IBTK: variants seen among roughly 807,000 people sequenced by gnomAD.
The protein encoded by IBTK is BTK-binding protein.
A neutral mutation model predicts 154.9 loss-of-function variants in IBTK; 83 were observed. The ratio of observed to expected loss-of-function variants is 0.54; its 90% CI spans 0.45 to 0.64. IBTK has a LOEUF of 0.64. Among genes scored for constraint, IBTK ranks in the 30% least tolerant of loss-of-function variants. The probability of loss-of-function intolerance (pLI) is 0.00; values close to 1 mark genes in which losing one functional copy is unlikely to be tolerated. For synonymous variants in IBTK, 515 were observed against 536.1 expected (o/e 0.96, Z 0.54); for missense variants, 1,332 against 1,584.6 (o/e 0.84, Z 2.71).
At chr6:82,238,645 T>C (rs1290653542) in intron 2 of IBTK, among the ~76,000 whole-genome samples, 1 of 152,094 alleles carries the variant, frequency 6.6e-6, no homozygotes, top group African/African-American at 2.4e-5. Context: ...TTCACCATGT[T>C]GGCCAGGCTA....
chr6:82,184,908 G>T (rs1017799886), intron 25 of IBTK, among the ~76,000 whole-genome samples: 29 of 152,034 alleles, frequency 1.9e-4, no homozygotes, highest in South Asian at 2.1e-4. Flanking sequence ...TCGGCTGGGC[G>T]TGGTGGCTCA....
chr6:82,217,498 T>G (rs1769914521), intron 10 of IBTK, among the ~76,000 whole-genome samples: 1 of 152,146 alleles, frequency 6.6e-6, no homozygotes, highest in South Asian at 2.1e-4. Context: ...CTTTAAAACT[T>G]TCCCCTATAT....
chr6:82,228,211 A>T (rs1260722100), intron 4 of IBTK, among the ~76,000 whole-genome samples: 1 of 152,124 alleles, frequency 6.6e-6, no homozygotes, highest in African/African-American at 2.4e-5. Context: ...CTAACTTAGG[A>T]TATAAAAAGA....
At chr6:82,237,147 C>G (rs926602339) in intron 2 of IBTK, among the ~76,000 whole-genome samples, 3 of 151,996 alleles carry the variant, frequency 2.0e-5, no homozygotes, top group East Asian at 1.9e-4. Context: ...GCCCTAAATG[C>G]TAACACCTAA....
In IBTK at chr6:82,225,640, C is replaced by T. The variant is rs372104260; in HGVS notation, c.662G>A (p.Arg221Gln). ...ATGACCATTCAGTCCTTCCACAAGC[C>T]GAGGGACCTACAAAATAAAATTAAC... is the stretch of plus-strand genomic sequence containing the variant. Reference protein sequence around the residue: ...HGDEQTCLVPRLVEGLNGHNC... With the variant: ...HGDEQTCLVPQLVEGLNGHNC... The change falls in exon 6 of 29, where the codon CGG becomes CAG. Residue 221 changes from arginine to glutamine, a missense_variant. Arg to Gln is a conservative substitution (Grantham distance 43). Transcript: ENST00000306270. 22 of 1,603,508 alleles carry T rather than the reference C, an allele frequency of 1.4e-5. No homozygotes were observed. The highest frequency in any genetic ancestry group is 4.5e-5 in the East Asian group (2 of 44,508).
chr6:82,240,260 A>G lies in IBTK; in HGVS notation c.227T>C (p.Val76Ala), dbSNP rs1412236834. Residue 76 changes from valine (V) to alanine (A), a missense_variant, in exon 2 of 29, where the codon GTG becomes GCG. Coordinates refer to ENST00000306270, the MANE Select transcript of IBTK (RefSeq NM_015525.4). ...GVLDWLIQKG[V>A]DLLVKDKESG... The stretch of plus-strand genomic sequence containing the variant: ...CTCTTTGTCTTTCACCAACAGATCC[A>G]CTCCTTTCTGAATAAGCCAATCTAA... 2 of 1,614,134 alleles carry G rather than the reference A, an allele frequency of 1.2e-6. No homozygotes were observed. The highest frequency in any genetic ancestry group is 2.2e-5 in the South Asian group (2 of 91,084).
At chr6:82,205,912 A>G (rs1201397531) in intron 16 of IBTK, 1 of 152,194 alleles carries the variant, frequency 6.6e-6, no homozygotes, top group Non-Finnish European at 1.5e-5. Context: ...TAAGAAGAAA[A>G]AAATCTGACA....
chr6:82,211,532 T>G lies in IBTK; in HGVS notation c.2332A>C (p.Lys778Gln). ...ACACATTTATGACAAGGAAATTCCTTTCCATCCACTGATTTCATGGTCACG... is the reference window on the plus strand; with the variant it reads ...ACACATTTATGACAAGGAAATTCCTGTCCATCCACTGATTTCATGGTCACG... Reference protein sequence around the residue: ...CDVTMKSVDGKEFPCHKCVLC... With the variant: ...CDVTMKSVDGQEFPCHKCVLC... Residue 778 changes from lysine to glutamine, a missense_variant, in exon 14 of 29, where the codon AAG becomes CAG. Lys to Gln is a moderately conservative substitution (Grantham distance 53). Coordinates refer to ENST00000306270, the MANE Select transcript of IBTK (RefSeq NM_015525.4). The G allele has an allele frequency of 1.2e-6, 2 of 1,613,816 alleles. No individual in the cohort carries two copies. Among genetic ancestry groups the G allele is most frequent in the Non-Finnish European group, 1.7e-6 (2 of 1,179,798 alleles).
Position 82,201,478 on chromosome 6 carries a change from G to A in IBTK, c.2734C>T (p.Leu912Phe), listed in dbSNP as rs751833417. 104 of 1,601,364 alleles carry A rather than the reference G, an allele frequency of 6.5e-5. No homozygotes were observed. The highest frequency in any genetic ancestry group is 8.4e-5 in the Non-Finnish European group (98 of 1,171,970). Residue 912 changes from leucine (L) to phenylalanine (F), a missense_variant, in exon 19 of 29, where the codon CTT (leucine) becomes TTT (phenylalanine). Physicochemically the swap from Leu to Phe is conservative, Grantham distance 22. Transcript: ENST00000306270. ...NMAALLEARS[L>F]DVLSDGVLKD... is the part of the protein sequence containing the mutation. The stretch of plus-strand genomic sequence containing the variant: ...AAAACACCATCGCTTAAAACATCAA[G>A]AGACCTAAAATATAGGATACAAAAT...
rs1460864197 is a variant in IBTK at position 82,211,472 on chromosome 6, T to C, written c.2374+18A>G. 6.2e-7 allele frequency: 1 copy of C among 1,609,648 alleles called. No individual in the cohort carries two copies. The highest frequency in any genetic ancestry group is 8.5e-7 in the Non-Finnish European group (1 of 1,176,172). On this transcript the variant is annotated intron_variant, in intron 14 of 28. Transcript: ENST00000306270. ...ATACTACAGCAAATAAATCAGCAGC[T>C]TTAAAAAGTGCACCTACCAAGTCTA... is the stretch of plus-strand genomic sequence containing the variant.
chr6:82,223,339 T>G, intron 8 of IBTK, 101 bp downstream of exon 8: 1 of 937,034 alleles, frequency 1.1e-6, no homozygotes, highest in Non-Finnish European at 1.5e-6. Context: ...ATTTTTTCCA[T>G]TTGACATTTA....
At chr6:82,207,656 G>A (rs548292380) in intron 16 of IBTK, among the ~76,000 whole-genome samples, 1 of 152,234 alleles carries the variant, frequency 6.6e-6, no homozygotes, top group Admixed American at 6.5e-5. Context: ...AACACAGTAG[G>A]AAAACTCACA....
At chr6:82,237,199 C>T (rs903578253) in intron 2 of IBTK, among the ~76,000 whole-genome samples, 7 of 151,964 alleles carry the variant, frequency 4.6e-5, no homozygotes, top group Non-Finnish European at 8.8e-5. Context: ...ACCCAGGGAC[C>T]TTCTCAAACT....
At chr6:82,195,883 G>A (rs1192312176) in intron 22 of IBTK, among the ~76,000 whole-genome samples, 1 of 152,166 alleles carries the variant, frequency 6.6e-6, no homozygotes, top group Non-Finnish European at 1.5e-5. Context: ...TTTTGCTCCA[G>A]TTAATACCCT....
At chr6:82,222,989 G>A (rs1294467351) in intron 8 of IBTK, among the ~76,000 whole-genome samples, 3 of 150,848 alleles carry the variant, frequency 2.0e-5, no homozygotes, top group African/African-American at 7.3e-5. Flanking sequence ...ATAATAACAT[G>A]TTTTTTTAAA....
At chr6:82,244,239 G>A (rs1771061648) in intron 1 of IBTK, among the ~76,000 whole-genome samples, 1 of 152,136 alleles carries the variant, frequency 6.6e-6, no homozygotes, top group Non-Finnish European at 1.5e-5. Flanking sequence ...TCATAAAAAG[G>A]TAATACATTT....
intron 3 of IBTK, 133 bp from the exon 4 acceptor site, chr6:82,231,975 A>G: frequency 3.8e-6 from 2 of 521,420 alleles, no homozygotes; most frequent in Non-Finnish European, 6.5e-6. Flanking sequence ...AGGTAATTCT[A>G]GAAATAGAAA....
At chr6:82,214,166 G>A (rs1326671294) in intron 12 of IBTK, 61 bp downstream of exon 12, 3 of 1,484,146 alleles carry the variant, frequency 2.0e-6, no homozygotes, top group Non-Finnish European at 2.7e-6. Flanking sequence ...AGTAAGGGTG[G>A]GAAATTTTTT....
In IBTK at chr6:82,212,801, G is replaced by A. The variant is rs776733129; in HGVS notation, c.2205-8C>T. 8 of 1,484,074 alleles carry A rather than the reference G, an allele frequency of 5.4e-6. No homozygotes were observed. Among genetic ancestry groups the A allele is most frequent in the Middle Eastern group, 1.7e-4 (1 of 5,754 alleles). The allele number at this position is 1,484,074 out of a possible 1,614,324, so 91.9% of individuals were successfully genotyped here. On this transcript the variant is annotated splice_polypyrimidine_tract_variant and splice_region_variant and intron_variant, in intron 12 of 28. Coordinates refer to ENST00000306270, the MANE Select transcript of IBTK (RefSeq NM_015525.4). ...AATCTGACTCCATCTAACCTATCAA[G>A]GATAGATAAAAATTAACAATTGATA...
Sources: gnomAD v4.1 joint callset for allele counts (sites outside exome capture counted in the v4.1 genomes callset) on GRCh38, gnomAD v4.1.1 for gene constraint, MANE v1.5 for transcripts, NCBI Gene and HGNC (gene_info 2026-07-23, HGNC 2026-07-21) for gene names.